Variants in CACNB2 observed in about 807,000 individuals in gnomAD.
CACNB2 encodes the protein voltage-dependent L-type calcium channel subunit beta-2.
CACNB2 carries 42 observed loss-of-function variants against 73.3 expected under a neutral mutation model. That is an observed-to-expected ratio of 0.57 (90% CI 0.45 to 0.74). The LOEUF (loss-of-function observed/expected upper bound fraction) is 0.74. CACNB2 is among the 30% of genes least tolerant of loss of function. The probability of loss-of-function intolerance (pLI) is 0.00; values close to 1 mark genes in which losing one functional copy is unlikely to be tolerated. For synonymous variants in CACNB2, 348 were observed against 310.3 expected (o/e 1.12, Z -1.28); for missense variants, 940 against 853.0 (o/e 1.10, Z -1.27).
At chr10:18,485,098 C>T (rs568841683) in intron 3 of CACNB2, among the ~76,000 whole-genome samples, 1 of 152,232 alleles carries the variant, frequency 6.6e-6, no homozygotes, top group East Asian at 1.9e-4. Context: ...GGCGAGATCA[C>T]ACCATTGCAC....
intron 3 of CACNB2, among the ~76,000 whole-genome samples, chr10:18,455,092 C>G (rs1322448605): frequency 6.6e-6 from 1 of 150,632 alleles, no homozygotes; most frequent in Non-Finnish European, 1.5e-5. Context: ...AAGTCAACAC[C>G]AAAGTCATAA....
At position 18,470,512 on chromosome 10, in the gene CACNB2, T is replaced by C. The variant is rs139079027; in HGVS notation, c.334-27843T>C. Among the ~76,000 whole-genome samples, 65 of 151,222 alleles carry C rather than the reference T, an allele frequency of 4.3e-4. 1 individual carries two copies. The Middle Eastern group carries it at 0.011, about 25-fold the overall frequency. On this transcript the variant is annotated intron_variant, in intron 3 of 13. Coordinates refer to ENST00000324631, the MANE Select transcript of CACNB2 (RefSeq NM_201596.3). Reference sequence around the variant, plus strand: ...ATGATATACTGGATAGACTATGATATACTGTGTATATTATATATACTATTT... The same window carrying C: ...ATGATATACTGGATAGACTATGATACACTGTGTATATTATATATACTATTT...
intron 2 of CACNB2, among the ~76,000 whole-genome samples, chr10:18,300,664 G>A (rs536331773): frequency 6.6e-6 from 1 of 151,988 alleles, no homozygotes; most frequent in African/African-American, 2.4e-5. Flanking sequence ...GCCTGGCCAG[G>A]ATAGTGAAAC....
intron 2 of CACNB2, among the ~76,000 whole-genome samples, chr10:18,305,391 A>T (rs940403434): frequency 6.6e-6 from 1 of 152,258 alleles, no homozygotes; most frequent in Non-Finnish European, 1.5e-5. Flanking sequence ...ATAAGGTAAA[A>T]CATGTAACTG....
chr10:18,298,180 C>A (rs1453649226), intron 2 of CACNB2, among the ~76,000 whole-genome samples: 1 of 152,062 alleles, frequency 6.6e-6, no homozygotes, highest in Non-Finnish European at 1.5e-5. Flanking sequence ...ACCAGCCTGG[C>A]CAATGTGGCA....
At chr10:18,393,212 T>A (rs1166300912) in intron 2 of CACNB2, among the ~76,000 whole-genome samples, 4 of 130,968 alleles carry the variant, frequency 3.1e-5, no homozygotes, top group African/African-American at 5.5e-5. Flanking sequence ...AAAAAAAAAA[T>A]CATGTCATCT....
intron 2 of CACNB2, among the ~76,000 whole-genome samples, chr10:18,230,890 G>A (rs980715685): frequency 6.6e-6 from 1 of 151,156 alleles, no homozygotes; most frequent in Non-Finnish European, 1.5e-5. Context: ...TACAAGAAGG[G>A]ATTAAAATGA....
At chr10:18,472,016 C>T (rs188859255) in intron 3 of CACNB2, among the ~76,000 whole-genome samples, 1 of 152,168 alleles carries the variant, frequency 6.6e-6, no homozygotes, top group East Asian at 1.9e-4. Flanking sequence ...CCGTATCTCC[C>T]TTTTTCATTA....
chr10:18,536,215 C>A lies in CACNB2; in HGVS notation c.1302+19C>A. ...TCCTCCAGTAAGTTATCTCTATATA[C>A]AGCATAATCCAGTTACAGAGATCAG... On this transcript the variant is annotated intron_variant, in intron 12 of 13. Transcript: ENST00000324631. 1 of 797,160 alleles carries A rather than the reference C, an allele frequency of 1.3e-6. No homozygotes were observed. The highest frequency in any genetic ancestry group is 2.1e-6 in the Non-Finnish European group (1 of 480,496). 49.4% of individuals were successfully genotyped at this position (797,160 alleles called of 1,614,324 possible).
At chr10:18,470,013 A>T (rs2048099437) in intron 3 of CACNB2, among the ~76,000 whole-genome samples, 1 of 152,116 alleles carries the variant, frequency 6.6e-6, no homozygotes, top group African/African-American at 2.4e-5. Flanking sequence ...TTTCTTTATC[A>T]TGCTATAAAT....
chr10:18,269,769 T>G (rs2037969780), intron 2 of CACNB2, among the ~76,000 whole-genome samples: 1 of 152,176 alleles, frequency 6.6e-6, no homozygotes, highest in Admixed American at 6.5e-5. Flanking sequence ...TGCTCCTCCC[T>G]TCCACTCTCC....
At chr10:18,156,907 C>T (rs541770019) in intron 2 of CACNB2, among the ~76,000 whole-genome samples, 6 of 151,106 alleles carry the variant, frequency 4.0e-5, no homozygotes, top group East Asian at 3.9e-4. Flanking sequence ...GGTGTGGTGG[C>T]GCATGCCTGT....
chr10:18,414,483 CTTTTTTTTTTTT>C (rs11384501), intron 3 of CACNB2, among the ~76,000 whole-genome samples: 24,387 of 132,328 alleles, frequency 0.18, 2,285 homozygotes, highest in East Asian at 0.27. Context: ...TTACTACTAC[CTTTTTTTTTTTT>C]TTTTTTTTTT....
chr10:18,390,102 G>A (rs1213883098), intron 2 of CACNB2, among the ~76,000 whole-genome samples: 15 of 152,178 alleles, frequency 9.9e-5, no homozygotes. Flanking sequence ...TAGATTAATT[G>A]TTCATTGCCA....
intron 2 of CACNB2, among the ~76,000 whole-genome samples, chr10:18,323,563 T>C (rs182006390): frequency 2.5e-3 from 382 of 152,274 alleles, no homozygotes; most frequent in African/African-American, 8.7e-3. Context: ...AGTATGAATC[T>C]GAATAATCAA....
chr10:18,516,139 C>T (rs896141212), intron 7 of CACNB2, among the ~76,000 whole-genome samples: 7 of 152,064 alleles, frequency 4.6e-5, no homozygotes, highest in South Asian at 2.1e-4. Context: ...TGCTTAAACC[C>T]GGAAGGCGGA....
At chr10:18,450,703 G>A (rs953232205) in intron 3 of CACNB2, among the ~76,000 whole-genome samples, 7 of 148,534 alleles carry the variant, frequency 4.7e-5, no homozygotes, top group African/African-American at 1.8e-4. Flanking sequence ...GCTCACTGCA[G>A]TCGCCGCCCC....
At chr10:18,493,224 A>G (rs2049564831) in intron 3 of CACNB2, among the ~76,000 whole-genome samples, 1 of 152,180 alleles carries the variant, frequency 6.6e-6, no homozygotes, top group Non-Finnish European at 1.5e-5. Flanking sequence ...GCTAGAGTGC[A>G]GTGGCACAAT....
intron 2 of CACNB2, among the ~76,000 whole-genome samples, chr10:18,195,812 C>G (rs879668050): frequency 5.9e-5 from 9 of 152,332 alleles, no homozygotes; most frequent in African/African-American, 2.2e-4. Context: ...GCAGTAAAAG[C>G]TGTCGCTTTC....
Sources: gnomAD v4.1 joint callset for allele counts (sites outside exome capture counted in the v4.1 genomes callset) on GRCh38, gnomAD v4.1.1 for gene constraint, MANE v1.5 for transcripts, NCBI Gene and HGNC (gene_info 2026-07-23, HGNC 2026-07-21) for gene names.